Variants in DIAPH2 observed in about 807,000 individuals in gnomAD.
DIAPH2 encodes diaphanous related formin 2.
In DIAPH2, 35 loss-of-function variants were observed where a neutral mutation model predicts 92.7. The ratio of observed to expected loss-of-function variants is 0.38; its 90% CI spans 0.29 to 0.50. The LOEUF is 0.50. Among genes scored for constraint, DIAPH2 ranks in the 20% least tolerant of loss-of-function variants. DIAPH2 has a pLI of 0.94. For synonymous variants in DIAPH2, 301 were observed against 280.4 expected (o/e 1.07, Z -0.73); for missense variants, 701 against 819.5 (o/e 0.86, Z 1.77).
At chrX:96,709,115 G>T (rs1018833496) in intron 1 of DIAPH2, among the ~76,000 whole-genome samples, 2 of 112,061 alleles carry the variant, frequency 1.8e-5, no homozygotes, top group African/African-American at 6.5e-5. Context: ...TAATTTGTAA[G>T]CTTAGACAAT....
At chrX:97,212,169 C>CTTCTTTA (rs2147506343) in intron 22 of DIAPH2, among the ~76,000 whole-genome samples, 1 of 111,797 alleles carries the variant, frequency 8.9e-6, no homozygotes, top group South Asian at 3.7e-4. Context: ...ATGGTATGCT[C>CTTCTTTA]TTCTTTATTG....
At chrX:97,303,166 A>G (rs2068721064) in intron 23 of DIAPH2, among the ~76,000 whole-genome samples, 1 of 111,983 alleles carries the variant, frequency 8.9e-6, no homozygotes, top group African/African-American at 3.2e-5. Flanking sequence ...TTTTACTTAT[A>G]TGAATAAAAG....
chrX:97,422,533 G>T, intron 25 of DIAPH2, among the ~76,000 whole-genome samples: 1 of 111,864 alleles, frequency 8.9e-6, no homozygotes, highest in Non-Finnish European at 1.9e-5. Flanking sequence ...AACAGTGATT[G>T]GTTCATAGCA....
At chrX:96,785,369 G>C (rs1257479156) in intron 4 of DIAPH2, among the ~76,000 whole-genome samples, 1 of 109,907 alleles carries the variant, frequency 9.1e-6, no homozygotes, top group East Asian at 2.8e-4. Context: ...ATGGAATTTC[G>C]TGAGGGCTCT....
intron 21 of DIAPH2, among the ~76,000 whole-genome samples, chrX:97,124,853 A>G (rs1045281365): frequency 5.4e-5 from 6 of 111,572 alleles, no homozygotes; most frequent in African/African-American, 1.6e-4. Flanking sequence ...AGTACTAGTA[A>G]TGCCTCGTTA....
chrX:97,319,347 T>TA (rs1757792958), intron 23 of DIAPH2, among the ~76,000 whole-genome samples: 1 of 111,993 alleles, frequency 8.9e-6, no homozygotes, highest in African/African-American at 3.2e-5. Flanking sequence ...CTTTAACTCT[T>TA]ATAGAGAATC....
intron 26 of DIAPH2, among the ~76,000 whole-genome samples, chrX:97,463,963 C>A (rs925235309): frequency 1.8e-5 from 2 of 110,272 alleles, no homozygotes; most frequent in Non-Finnish European, 3.8e-5. Flanking sequence ...TTTTTATTGA[C>A]AAACTAAAGG....
intron 16 of DIAPH2, among the ~76,000 whole-genome samples, chrX:96,961,802 C>G (rs1210740590): frequency 9.1e-6 from 1 of 109,706 alleles, no homozygotes. Flanking sequence ...GGAGCATGTT[C>G]TTTAAGTCTA....
intron 4 of DIAPH2, among the ~76,000 whole-genome samples, chrX:96,762,470 ATCTT>A (rs1417483465): frequency 9.0e-6 from 1 of 111,500 alleles, no homozygotes; most frequent in Non-Finnish European, 1.9e-5. Context: ...TAAGTAATCT[ATCTT>A]TTTTATAATT....
At chrX:96,730,002 ATC>A (rs1341572403) in intron 1 of DIAPH2, among the ~76,000 whole-genome samples, 2 of 112,004 alleles carry the variant, frequency 1.8e-5, no homozygotes, top group Admixed American at 1.9e-4. Flanking sequence ...GCAGGGCCAT[ATC>A]TCTCTAAATC....
rs181882356 is a variant in DIAPH2, at chrX:96,690,613, A to G, written c.132+5423A>G. ...TGAAAGATTCCTTATTCTCTCCCCAATACCATTTGTCCCTTTGGAGGAATA... is the reference window on the plus strand; with the variant it reads ...TGAAAGATTCCTTATTCTCTCCCCAGTACCATTTGTCCCTTTGGAGGAATA... On this transcript the variant is annotated intron_variant, in intron 1 of 26. Coordinates refer to ENST00000324765, the MANE Select transcript of DIAPH2 (RefSeq NM_006729.5). Among the ~76,000 whole-genome samples the G allele has an allele frequency of 6.4e-3, 712 of 111,822 alleles. 3 individuals carry two copies. The highest frequency in any genetic ancestry group is 0.01 in the Non-Finnish European group (532 of 53,162).
At chrX:97,077,109 C>T (rs1003836549) in intron 19 of DIAPH2, among the ~76,000 whole-genome samples, 1 of 111,437 alleles carries the variant, frequency 9.0e-6, no homozygotes, top group Non-Finnish European at 1.9e-5. Flanking sequence ...GCCTAAGTGG[C>T]GAGTAACTTA....
intron 1 of DIAPH2, among the ~76,000 whole-genome samples, chrX:96,704,353 G>C (rs760109748): frequency 9.0e-6 from 1 of 111,675 alleles, no homozygotes; most frequent in African/African-American, 3.2e-5. Context: ...TAAATACCTG[G>C]CCATATGAAA....
intron 4 of DIAPH2, among the ~76,000 whole-genome samples, chrX:96,840,161 A>T (rs1445913476): frequency 8.9e-6 from 1 of 112,218 alleles, no homozygotes; most frequent in Non-Finnish European, 1.9e-5. Flanking sequence ...GCACATTTTA[A>T]TTCCAACTAG....
At chrX:97,266,203 G>A (rs778281364) in intron 23 of DIAPH2, among the ~76,000 whole-genome samples, 49 of 112,038 alleles carry the variant, frequency 4.4e-4, no homozygotes, top group African/African-American at 1.5e-3. Flanking sequence ...TCAGATGCTA[G>A]AGATCTAATG....
chrX:96,967,513 G>A lies in DIAPH2; in HGVS notation c.2050+2306G>A, dbSNP rs747100373. On this transcript the variant is annotated intron_variant, in intron 17 of 26. Transcript: ENST00000324765. ...TGGCTCACTGCAACCTCCGCCTCCC[G>A]AGTTCAAGCAATTCTCCTACCTCAG... Among the ~76,000 whole-genome samples, 49 of 109,684 alleles carry A rather than the reference G, an allele frequency of 4.5e-4. 1 individual carries two copies. The highest frequency in any genetic ancestry group is 1.5e-3 in the African/African-American group (44 of 30,183).
chrX:97,202,677 A>G (rs147365644), intron 22 of DIAPH2, among the ~76,000 whole-genome samples: 43 of 111,642 alleles, frequency 3.9e-4, no homozygotes, highest in African/African-American at 1.4e-3. Flanking sequence ...AACCGGACTC[A>G]TCAAACAAGT....
At chrX:97,251,431 G>T (rs1380167054) in intron 23 of DIAPH2, among the ~76,000 whole-genome samples, 1 of 105,821 alleles carries the variant, frequency 9.4e-6, no homozygotes, top group Non-Finnish European at 1.9e-5. Flanking sequence ...TCATGTGAAG[G>T]TCTCTTTTTT....
intron 23 of DIAPH2, among the ~76,000 whole-genome samples, chrX:97,308,614 CTTTTTTTT>C (rs34812351): frequency 4.6e-4 from 19 of 40,919 alleles, no homozygotes; most frequent in African/African-American, 1.4e-3. Context: ...GAAACCCCAT[CTTTTTTTT>C]TTTTTTTTTT....
Sources: allele counts gnomAD v4.1 joint callset (sites outside exome capture counted in the v4.1 genomes callset), GRCh38; gene constraint gnomAD v4.1.1; transcripts MANE v1.5; gene names NCBI Gene and HGNC (gene_info 2026-07-23, HGNC 2026-07-21).